Variants in SYNJ1 observed in about 807,000 individuals in gnomAD.
The protein encoded by SYNJ1 is polyphosphatidylinositol phosphatase SYNJ1.
A neutral mutation model predicts 168.2 loss-of-function variants in SYNJ1; 78 were observed. That is an observed-to-expected ratio of 0.46 (90% CI 0.39 to 0.56). The LOEUF is 0.56. SYNJ1 is among the 20% of genes least tolerant of loss of function. The pLI, the probability that SYNJ1 is intolerant of heterozygous loss-of-function variation, is 0.00. For missense variants in SYNJ1, 1,303 were observed against 1,597.6 expected, an observed-to-expected ratio of 0.82 and a Z score of 3.14; for synonymous variants, 539 against 548.6, an observed-to-expected ratio of 0.98 and a Z score of 0.24.
chr21:32,632,602 TCA>T (rs1333277845), intron 32 of SYNJ1, among the ~76,000 whole-genome samples: 1 of 152,136 alleles, frequency 6.6e-6, no homozygotes, highest in Non-Finnish European at 1.5e-5. Context: ...CCCAGGCTGG[TCA>T]CAAACTCCTG....
chr21:32,661,216 C>T lies in SYNJ1; in HGVS notation c.2305-3344G>A, dbSNP rs376050620. Among the ~76,000 whole-genome samples the T allele has an allele frequency of 1.2e-4, 18 of 152,258 alleles. 1 individual carries two copies. Among genetic ancestry groups the T allele is most frequent in the East Asian group, 9.7e-4 (5 of 5,176 alleles). On this transcript the variant is annotated intron_variant, in intron 18 of 32. Transcript: ENST00000674351. ...AGAGTCACTTGAAAAGTTGTTAGGC[C>T]GGTACTTCTACATCTCACACTTGCC...
chr21:32,709,403 G>A (rs1039483998), intron 2 of SYNJ1, among the ~76,000 whole-genome samples: 9 of 150,972 alleles, frequency 6.0e-5, no homozygotes, highest in African/African-American at 2.2e-4. Context: ...CTTGAAGCCG[G>A]CAGGCGGAGG....
At chr21:32,700,287 T>C (rs2042352097) in intron 3 of SYNJ1, among the ~76,000 whole-genome samples, 182 bp from the exon 4 acceptor site, 1 of 152,232 alleles carries the variant, frequency 6.6e-6, no homozygotes. Context: ...TTAAGTATAA[T>C]AAAGCATTTA....
In SYNJ1 at chr21:32,701,513, T is replaced by C. The variant is rs145931468; in HGVS notation, c.211+448A>G. ...ACAGATAAACTAGTAACTGCAAAGG[T>C]TACTCTGCAGCTCACGGTGACATTA... is the stretch of plus-strand genomic sequence containing the variant. On this transcript the variant is annotated intron_variant, in intron 3 of 32. Coordinates refer to ENST00000674351, the MANE Select transcript of SYNJ1 (RefSeq NM_203446.3). 9.8e-4 allele frequency among the ~76,000 whole-genome samples: 149 copies of C among 151,844 alleles called. 1 individual carries two copies. The South Asian group carries it at 0.017, about 17-fold the overall frequency.
At chr21:32,668,896 A>C (rs2833942) in intron 15 of SYNJ1, among the ~76,000 whole-genome samples, 44,423 of 152,070 alleles carry the variant, frequency 0.29, 6,560 homozygotes, top group Middle Eastern at 0.35. Context: ...ATGGTGCAAA[A>C]GCAACAATGG....
chr21:32,722,880 C>T lies in SYNJ1; in HGVS notation c.124+3892G>A, dbSNP rs561410548. Reference sequence around the variant, plus strand: ...TTTCAAGAAAACTACTTAGTAGCCCCATAAAAGACAACAGCACCAAAATTC... The same window carrying T: ...TTTCAAGAAAACTACTTAGTAGCCCTATAAAAGACAACAGCACCAAAATTC... On this transcript the variant is annotated intron_variant, in intron 2 of 32. Transcript: ENST00000674351. 2.6e-5 allele frequency among the ~76,000 whole-genome samples: 4 copies of T among 152,252 alleles called. No individual in the cohort carries two copies. In the South Asian group the frequency reaches 8.3e-4, roughly 32 times the overall value.
chr21:32,686,922 T>A (rs2041855816), intron 8 of SYNJ1, 56 bp downstream of exon 8: 2 of 1,160,112 alleles, frequency 1.7e-6, no homozygotes, highest in Admixed American at 5.6e-5. Flanking sequence ...TTTTATTTTT[T>A]AATACCATTC....
intron 3 of SYNJ1, among the ~76,000 whole-genome samples, chr21:32,701,399 A>C (rs1352210178): frequency 6.6e-6 from 1 of 152,194 alleles, no homozygotes; most frequent in Non-Finnish European, 1.5e-5. Flanking sequence ...TTTGTATCAT[A>C]GTGCAAGCTC....
intron 9 of SYNJ1, among the ~76,000 whole-genome samples, chr21:32,684,404 GCT>G (rs1445630698): frequency 6.6e-6 from 1 of 152,112 alleles, no homozygotes; most frequent in Non-Finnish European, 1.5e-5. Context: ...TCAGGTTTAT[GCT>G]CTTACAGTTC....
chr21:32,698,909 G>A (rs560329412), intron 4 of SYNJ1, among the ~76,000 whole-genome samples: 10 of 152,194 alleles, frequency 6.6e-5, no homozygotes, highest in African/African-American at 1.9e-4. Context: ...AATAGGAAAC[G>A]TGAGTAACAC....
At chr21:32,690,920 T>TG (rs1264155809) in intron 6 of SYNJ1, among the ~76,000 whole-genome samples, 1 of 151,918 alleles carries the variant, frequency 6.6e-6, no homozygotes, top group Non-Finnish European at 1.5e-5. Context: ...AATTCCAACT[T>TG]GGGGGAAAAA....
intron 2 of SYNJ1, among the ~76,000 whole-genome samples, chr21:32,716,541 T>G (rs942081105): frequency 3.3e-5 from 5 of 152,240 alleles, no homozygotes; most frequent in Non-Finnish European, 7.3e-5. Flanking sequence ...ATCTTCACTC[T>G]TCTGTAAATG....
intron 23 of SYNJ1, among the ~76,000 whole-genome samples, chr21:32,648,859 C>G (rs1269980163): frequency 6.6e-6 from 1 of 152,174 alleles, no homozygotes; most frequent in Non-Finnish European, 1.5e-5. Context: ...AATTCATCTT[C>G]CATCCCACAC....
intron 4 of SYNJ1, among the ~76,000 whole-genome samples, chr21:32,698,522 T>G (rs1055811668): frequency 1.3e-5 from 2 of 152,164 alleles, no homozygotes; most frequent in African/African-American, 2.4e-5. Context: ...ATAACATATG[T>G]CAATATAATA....
chr21:32,700,319 C>A (rs1197867839), intron 3 of SYNJ1, among the ~76,000 whole-genome samples: 1 of 152,156 alleles, frequency 6.6e-6, no homozygotes, highest in Admixed American at 6.5e-5. Context: ...GATAATCTCA[C>A]ACGAAATTGT....
chr21:32,686,901 T>A lies in SYNJ1; in HGVS notation c.948+77A>T. 4.1e-6 allele frequency: 4 copies of A among 983,032 alleles called. No individual in the cohort carries two copies. The South Asian group carries it at 6.9e-5, about 17-fold the overall frequency. 60.9% of individuals were successfully genotyped at this position (983,032 alleles called of 1,614,324 possible). On this transcript the variant is annotated intron_variant, in intron 8 of 32. Coordinates refer to ENST00000674351, the MANE Select transcript of SYNJ1 (RefSeq NM_203446.3). ...TAATTTACTTCCTGGAAGAATCTGA[T>A]TACTGTATTATTTTATTTTTTAATA...
At chr21:32,727,794 C>T in intron 1 of SYNJ1, 152 bp downstream of exon 1, 2 of 1,437,872 alleles carry the variant, frequency 1.4e-6, no homozygotes, top group South Asian at 2.8e-5. Flanking sequence ...CTCACAACCC[C>T]GCCCGTCCTC....
chr21:32,656,590 C>CT (rs965508304), intron 21 of SYNJ1, 97 bp downstream of exon 21: 10 of 1,097,478 alleles, frequency 9.1e-6, no homozygotes, highest in African/African-American at 3.2e-5. Flanking sequence ...TGGTATCTTT[C>CT]TTTTTTAAAA....
chr21:32,670,447 C>T, intron 14 of SYNJ1, 75 bp from the exon 15 acceptor site: 1 of 1,093,144 alleles, frequency 9.1e-7, no homozygotes. Flanking sequence ...CACAACATAA[C>T]ACCAGGTCTC....
Sources: gnomAD v4.1 joint callset for allele counts (sites outside exome capture counted in the v4.1 genomes callset) on GRCh38, gnomAD v4.1.1 for gene constraint, MANE v1.5 for transcripts, NCBI Gene and HGNC (gene_info 2026-07-23, HGNC 2026-07-21) for gene names.